The following H2BC12 variants were observed in gnomAD, a reference collection of about 807,000 sequenced individuals.
The protein encoded by H2BC12 is histone H2B type 1-K.
H2BC12 carries 6 observed loss-of-function variants against 6.3 expected under a neutral mutation model. That is an observed-to-expected ratio of 0.95 (90% CI 0.52 to 1.87). The LOEUF (loss-of-function observed/expected upper bound fraction) is 1.87. H2BC12 is among the 40% of genes most tolerant of loss of function. H2BC12 has a pLI of 0.01. For synonymous variants in H2BC12, 132 were observed against 78.5 expected, an observed-to-expected ratio of 1.68 and a Z score of -3.60; for missense variants, 119 against 178.4, an observed-to-expected ratio of 0.67 and a Z score of 1.90.
At chr6:27,139,387 A>T in the H2BC12 span, 1 of 1,614,218 alleles carries the variant, frequency 6.2e-7, no homozygotes, top group Non-Finnish European at 8.5e-7. Flanking sequence ...GCGCGACAAC[A>T]TCCAGGGTAT....
the H2BC12 span, chr6:27,139,226 T>G: frequency 6.8e-7 from 1 of 1,465,944 alleles, no homozygotes; most frequent in African/African-American, 1.4e-5. Flanking sequence ...GCTCTTCCGG[T>G]TTTCAGTCTG....
In H2BC12 at chr6:27,146,589, G is replaced by A. The variant is rs191814346; in HGVS notation, c.210C>T (p.Ile70=). The part of the protein sequence containing the change: ...MGIMNSFVND[I]FERIAGEASR... ...AAGCCTCACCCGCGATGCGTTCGAA[G>A]ATGTCGTTGACGAAGGAGTTCATGA... The change falls in exon 1 of 1, where the codon ATC becomes ATT. Residue 70 remains isoleucine, a synonymous_variant. Transcript: ENST00000356950. 2.5e-6 allele frequency: 4 copies of A among 1,614,284 alleles called. No individual in the cohort carries two copies. Among genetic ancestry groups the A allele is most frequent in the African/African-American group, 1.3e-5 (1 of 75,082 alleles).
chr6:27,139,234 C>T, the H2BC12 span: 1 of 1,486,182 alleles, frequency 6.7e-7, no homozygotes, highest in South Asian at 1.4e-5. Context: ...GGTTTTCAGT[C>T]TGGTCCGCAG....
the H2BC12 span, chr6:27,138,682 C>G: frequency 4.6e-5 from 7 of 152,162 alleles, no homozygotes; most frequent in Non-Finnish European, 1.0e-4. Context: ...AAGTCCCTCC[C>G]TGTATTTGGG....
chr6:27,139,562 T>C, the H2BC12 span: 12 of 1,614,000 alleles, frequency 7.4e-6, no homozygotes, highest in African/African-American at 1.3e-5. Flanking sequence ...GTCACCGCCA[T>C]GGACGTGGTC....
chr6:27,140,353 G>A, the H2BC12 span, among the ~76,000 whole-genome samples: 4 of 152,062 alleles, frequency 2.6e-5, no homozygotes, highest in African/African-American at 9.6e-5. Flanking sequence ...CTGTTCCCAC[G>A]CGTTTTAACT....
chr6:27,143,264 A>G (rs1760029124), downstream of H2BC12, among the ~76,000 whole-genome samples: 1 of 152,116 alleles, frequency 6.6e-6, no homozygotes, highest in Non-Finnish European at 1.5e-5. Flanking sequence ...AGGCAGGATA[A>G]TTGCTTGAAC....
At chr6:27,144,995 C>G (rs925995646), downstream of H2BC12, among the ~76,000 whole-genome samples, 1 of 152,120 alleles carries the variant, frequency 6.6e-6, no homozygotes, top group Non-Finnish European at 1.5e-5. Flanking sequence ...GGGTTTCACA[C>G]TATGTTAGCC....
At chr6:27,141,300 G>A in the H2BC12 span, among the ~76,000 whole-genome samples, 2 of 151,934 alleles carry the variant, frequency 1.3e-5, no homozygotes, top group African/African-American at 4.8e-5. Context: ...AAAGTTTGTT[G>A]AAAATTGTTA....
At chr6:27,139,427 G>GC in the H2BC12 span, 1 of 1,614,242 alleles carries the variant, frequency 6.2e-7, no homozygotes. Flanking sequence ...CGCCTTGCTC[G>GC]CCGCGGCGGC....
chr6:27,139,348 G>C, the H2BC12 span: 1 of 1,613,772 alleles, frequency 6.2e-7, no homozygotes, highest in Non-Finnish European at 8.5e-7. Flanking sequence ...CCTGGGGAAA[G>C]GGGGTGCCAA....
the H2BC12 span, among the ~76,000 whole-genome samples, chr6:27,140,075 G>A: frequency 6.6e-6 from 1 of 151,978 alleles, no homozygotes; most frequent in Admixed American, 6.6e-5. Context: ...CGGGCACAGA[G>A]CTCTGCATGG....
downstream of H2BC12, among the ~76,000 whole-genome samples, chr6:27,141,395 A>C (rs1275496129): frequency 2.0e-5 from 3 of 152,190 alleles, no homozygotes; most frequent in African/African-American, 7.2e-5. Context: ...AAAGAGGCCA[A>C]ATCAAATAAC....
At chr6:27,143,329 G>A (rs1415850973), downstream of H2BC12, among the ~76,000 whole-genome samples, 1 of 151,838 alleles carries the variant, frequency 6.6e-6, no homozygotes, top group Admixed American at 6.6e-5. Flanking sequence ...TCCAGCCTTG[G>A]CGACAGAGTA....
rs1287004347 is a variant in H2BC12 at position 27,146,391 on chromosome 6, G to C, written c.*27C>G. On this transcript the variant is annotated 3_prime_UTR_variant, in exon 1 of 1. Transcript: ENST00000356950. ...GGCTCTTAAAAGAGCCTTTGGGGTTGGGCTTTAAGACGCTTACTTGGCAAG... is the reference window on the plus strand; with the variant it reads ...GGCTCTTAAAAGAGCCTTTGGGGTTCGGCTTTAAGACGCTTACTTGGCAAG... 1 of 1,614,060 alleles carries C rather than the reference G, an allele frequency of 6.2e-7. No homozygotes were observed. The highest frequency in any genetic ancestry group is 8.5e-7 in the Non-Finnish European group (1 of 1,179,978).
At chr6:27,141,982 CTTAA>C (rs555991460), downstream of H2BC12, among the ~76,000 whole-genome samples, 3 of 152,262 alleles carry the variant, frequency 2.0e-5, no homozygotes, top group South Asian at 6.2e-4. Context: ...TTAATTATAT[CTTAA>C]TTAGTTTACT....
downstream of H2BC12, among the ~76,000 whole-genome samples, chr6:27,145,756 GTGA>G (rs754061366): frequency 2.6e-5 from 4 of 152,134 alleles, no homozygotes; most frequent in African/African-American, 4.8e-5. Flanking sequence ...AAAAATCTCC[GTGA>G]TGATTTCATG....
the H2BC12 span, chr6:27,139,956 T>C: frequency 3.7e-6 from 1 of 273,050 alleles, no homozygotes. Flanking sequence ...GATAATTAAC[T>C]TCCCTCTGGA....
the H2BC12 span, chr6:27,139,710 A>T: frequency 2.7e-6 from 4 of 1,491,712 alleles, no homozygotes; most frequent in Non-Finnish European, 3.6e-6. Context: ...CTGCAAACTG[A>T]GTCTCTTAAT....
Sources: gnomAD v4.1 joint callset for allele counts (sites outside exome capture counted in the v4.1 genomes callset) on GRCh38, gnomAD v4.1.1 for gene constraint, MANE v1.5 for transcripts, NCBI Gene and HGNC (gene_info 2026-07-23, HGNC 2026-07-21) for gene names.